Variants in GNL3 observed in about 807,000 individuals in gnomAD.
The protein encoded by GNL3 is G protein nucleolar 3, also known as guanine nucleotide-binding protein-like 3.
Under a neutral mutation model 70.6 loss-of-function variants are expected in GNL3, and 77 were observed. The ratio of observed to expected loss-of-function variants is 1.09; its 90% CI spans 0.91 to 1.32. The LOEUF (loss-of-function observed/expected upper bound fraction) is 1.32. Ranked by LOEUF, GNL3 falls within the 40% of genes most tolerant of loss-of-function variation. The pLI is 0.00. For missense variants in GNL3, 634 were observed against 644.0 expected, an observed-to-expected ratio of 0.98 and a Z score of 0.17; for synonymous variants, 252 against 216.1, an observed-to-expected ratio of 1.17 and a Z score of -1.46.
chr3:52,691,743 C>G (rs2097327532), intron 9 of GNL3, 114 bp downstream of exon 9: 1 of 640,620 alleles, frequency 1.6e-6, no homozygotes, highest in African/African-American at 2.0e-5. Context: ...CACTCTTGTT[C>G]CCAGGCTGGA....
At chr3:52,691,777 A>G (rs904946948) in intron 9 of GNL3, 148 bp downstream of exon 9, 3 of 595,282 alleles carry the variant, frequency 5.0e-6, no homozygotes, top group Non-Finnish European at 6.0e-6. Flanking sequence ...ATCTCGGCTC[A>G]CTGCAACCTC....
intron 7 of GNL3, 32 bp downstream of exon 7, chr3:52,690,736 C>T: frequency 7.5e-7 from 1 of 1,331,332 alleles, no homozygotes; most frequent in Non-Finnish European, 1.1e-6. Flanking sequence ...AAATGTGATT[C>T]TTTCAGATTT....
Position 52,692,878 on chromosome 3 carries a change from G to A in GNL3, c.876G>A (p.Met292Ile). 2 of 1,611,540 alleles carry A rather than the reference G, an allele frequency of 1.2e-6. No homozygotes were observed. The highest frequency in any genetic ancestry group is 1.7e-6 in the Non-Finnish European group (2 of 1,178,384). The change falls in exon 10 of 15, where the codon ATG becomes ATA. Residue 292 changes from methionine (M) to isoleucine (I), a missense_variant. By Grantham distance (10) the Met-to-Ile change is conservative. Transcript: ENST00000418458. The stretch of plus-strand genomic sequence containing the variant: ...TCCATCGCTCTTCTTTCAGGAGCAT[G>A]CAAGTTGTCCCCTTGGACAAACAGA... ...VGVSMGLTRS[M>I]QVVPLDKQIT...
rs200108963 is a variant in GNL3, at chr3:52,694,221, G to T, written c.1596G>T (p.Leu532Phe). 59 of 1,595,266 alleles carry T rather than the reference G, an allele frequency of 3.7e-5. No individual in the cohort carries two copies. In the East Asian group the frequency reaches 1.2e-3, roughly 33 times the overall value. The part of the protein sequence containing the change: ...AGEQSTRSFI[L>F]DKIIEEDDAY... ...AACAGTCTACAAGGTCTTTTATCTT[G>T]GATAAAATCATTGAAGAGGATGATG... Residue 532 changes from leucine to phenylalanine, a missense_variant, in exon 15 of 15, where the codon TTG (leucine) becomes TTT (phenylalanine). Leu to Phe is a conservative substitution (Grantham distance 22, BLOSUM62 0). Coordinates refer to ENST00000418458, the MANE Select transcript of GNL3 (RefSeq NM_014366.5).
At position 52,691,822 on chromosome 3, in the gene GNL3, C is replaced by T. The variant is rs772498276; in HGVS notation, c.869+193C>T. ...GGTTCAAGTGATTCTCCTGCCTCAG[C>T]CTCCAGAGTAGCTGGGATTACAGGC... On this transcript the variant is annotated intron_variant, in intron 9 of 14. Coordinates refer to ENST00000418458, the MANE Select transcript of GNL3 (RefSeq NM_014366.5). Among the ~76,000 whole-genome samples the T allele has an allele frequency of 1.1e-4, 16 of 151,762 alleles. No homozygotes were observed. The South Asian group carries it at 1.2e-3, about 12-fold the overall frequency.
In GNL3 at chr3:52,693,250, C is replaced by T; in HGVS notation, c.1108C>T (p.Gln370Ter). The T allele has an allele frequency of 1.2e-6, 2 of 1,613,886 alleles. No homozygotes were observed. The highest frequency in any genetic ancestry group is 1.7e-6 in the Non-Finnish European group (2 of 1,179,860). The change falls in exon 11 of 15, where the codon CAG becomes TAG. Residue 370 changes from glutamine (Q) to a stop codon, truncating the protein, a stop_gained. Coordinates refer to ENST00000418458, the MANE Select transcript of GNL3 (RefSeq NM_014366.5). LOFTEE classifies it high-confidence loss of function. ...TCTGGAATTTTTTACTGTGCTTGCTCAGAGAAGAGGTATGCACCAAAAAGG... is the reference window on the plus strand; with the variant it reads ...TCTGGAATTTTTTACTGTGCTTGCTTAGAGAAGAGGTATGCACCAAAAAGG... ...NSLEFFTVLAQRRGMHQKGGI... is the reference protein window; with the variant it reads ...NSLEFFTVLA
Position 52,693,635 on chromosome 3 carries a change from T to G in GNL3, c.1328T>G (p.Ile443Ser). ...ATGGGCTTGCTTTCTTTCCCAGCCA[T>G]CAAGGGCCCTCATTTGGCCAATAGC... ...EKNNAQSIRA[I>S]KGPHLANSIL... The change falls in exon 13 of 15, where the codon ATC (isoleucine) becomes AGC (serine). Residue 443 changes from isoleucine to serine, a missense_variant. Transcript: ENST00000418458. 6.2e-7 allele frequency: 1 copy of G among 1,613,982 alleles called. No homozygotes were observed. The highest frequency in any genetic ancestry group is 8.5e-7 in the Non-Finnish European group (1 of 1,179,920).
At chr3:52,688,243 T>A in intron 5 of GNL3, 51 bp downstream of exon 5, 1 of 1,059,986 alleles carries the variant, frequency 9.4e-7, no homozygotes, top group Non-Finnish European at 1.4e-6. Flanking sequence ...TTTAAAAGAC[T>A]CAAGTCATTT....
intron 1 of GNL3, 102 bp downstream of exon 1, chr3:52,686,207 G>C (rs895125857): frequency 1.6e-6 from 2 of 1,289,526 alleles, no homozygotes; most frequent in African/African-American, 1.5e-5. Flanking sequence ...CTGCTGGTAT[G>C]GGGGTGGGAG....
At position 52,691,509 on chromosome 3, in the gene GNL3, C is replaced by A. The variant is rs776244053; in HGVS notation, c.782-33C>A. 3 of 1,236,924 alleles carry A rather than the reference C, an allele frequency of 2.4e-6. No individual in the cohort carries two copies. In the South Asian group the frequency reaches 3.7e-5, roughly 15 times the overall value. The allele number at this position is 1,236,924 out of a possible 1,614,324, so 76.6% of individuals were successfully genotyped here. A position where few individuals can be genotyped will look rare whatever the true frequency, so the allele number is the denominator to read the frequency against. ...ATTTCATAAGTGCCAACATATAATG[C>A]TTTTTATATCTGGATTTCCCATTTA... On this transcript the variant is annotated intron_variant, in intron 8 of 14. Coordinates refer to ENST00000418458, the MANE Select transcript of GNL3 (RefSeq NM_014366.5).
chr3:52,693,932 CG>C (rs2097330010), intron 13 of GNL3, 104 bp from the exon 14 acceptor site: 4 of 1,280,578 alleles, frequency 3.1e-6, no homozygotes, highest in Non-Finnish European at 4.5e-6. Context: ...TTGCACATCC[CG>C]TTATATGTAC....
chr3:52,686,714 G>A, intron 1 of GNL3, 55 bp from the exon 2 acceptor site: 3 of 1,340,980 alleles, frequency 2.2e-6, no homozygotes, highest in African/African-American at 1.4e-5. Flanking sequence ...TCCATAGTGC[G>A]TTAACCCAGA....
chr3:52,687,020 T>C (rs964591845), intron 2 of GNL3, 193 bp downstream of exon 2: 1 of 631,544 alleles, frequency 1.6e-6, no homozygotes, highest in Non-Finnish European at 2.8e-6. Context: ...GATAAGTCTC[T>C]AAATTTGTTC....
chr3:52,692,950 C>T lies in GNL3; in HGVS notation c.948C>T (p.Ser316=). ...SPSFIVSPLN[S]SSALALRSPA... The stretch of plus-strand genomic sequence containing the variant: ...GCTTCATCGTATCTCCACTTAATTC[C>T]TCCTCTGCGCTTGCTCTGCGAAGTC... The change falls in exon 10 of 15, where the codon TCC becomes TCT. Residue 316 remains serine (S), a synonymous_variant. Coordinates refer to ENST00000418458, the MANE Select transcript of GNL3 (RefSeq NM_014366.5). 2.5e-6 allele frequency: 4 copies of T among 1,613,606 alleles called. No individual in the cohort carries two copies. The East Asian group carries it at 8.9e-5, about 36-fold the overall frequency.
intron 9 of GNL3, 80 bp downstream of exon 9, chr3:52,691,709 T>C (rs1449790322): frequency 2.6e-5 from 21 of 799,328 alleles, no homozygotes; most frequent in Non-Finnish European, 4.5e-5. Flanking sequence ...GTGATTTTTT[T>C]TTTTTTTTTT....
chr3:52,688,247 G>A (rs928562235), intron 5 of GNL3, 55 bp downstream of exon 5: 2 of 1,041,104 alleles, frequency 1.9e-6, no homozygotes, highest in Non-Finnish European at 2.9e-6. Context: ...AAAGACTCAA[G>A]TCATTTTTTT....
chr3:52,687,214 T>C (rs577622225), intron 2 of GNL3, 32 bp from the exon 3 acceptor site: 146 of 1,572,022 alleles, frequency 9.3e-5, no homozygotes, highest in Non-Finnish European at 1.0e-4. Context: ...AAGATATTTT[T>C]GTAAGCAGAC....
In GNL3 at chr3:52,690,708, T is replaced by C. The variant is rs1367533311; in HGVS notation, c.654+4T>C. 6.8e-7 allele frequency: 1 copy of C among 1,471,256 alleles called. No homozygotes were observed. The highest frequency in any genetic ancestry group is 9.5e-7 in the Non-Finnish European group (1 of 1,050,628). The allele number at this position is 1,471,256 out of a possible 1,614,324, so 91.1% of individuals were successfully genotyped here. ...GGATAAAGGGAAGATAACCAAGGTA[T>C]CCTTTATTAGTGGTAAGAAATGTGA... On this transcript the variant is annotated splice_donor_region_variant and intron_variant, in intron 7 of 14. Coordinates refer to ENST00000418458, the MANE Select transcript of GNL3 (RefSeq NM_014366.5).
At chr3:52,687,099 T>A in intron 2 of GNL3, 147 bp from the exon 3 acceptor site, 1 of 694,822 alleles carries the variant, frequency 1.4e-6, no homozygotes, top group South Asian at 1.9e-5. Flanking sequence ...TACATATGCA[T>A]TACTTTGTAA....
Sources: allele counts gnomAD v4.1 joint callset (sites outside exome capture counted in the v4.1 genomes callset), GRCh38; gene constraint gnomAD v4.1.1; transcripts MANE v1.5; gene names NCBI Gene and HGNC (gene_info 2026-07-23, HGNC 2026-07-21).